ANAPC7: variants seen among roughly 807,000 people sequenced by gnomAD.
The protein encoded by ANAPC7 is anaphase promoting complex subunit 7.
Under a neutral mutation model 63.3 loss-of-function variants are expected in ANAPC7, and 25 were observed. That is an observed-to-expected ratio of 0.39 (90% CI 0.29 to 0.55). ANAPC7 has a LOEUF of 0.55. Among genes scored for constraint, ANAPC7 ranks in the 20% least tolerant of loss-of-function variants. The pLI, the probability that ANAPC7 is intolerant of heterozygous loss-of-function variation, is 0.57. For synonymous variants in ANAPC7, 241 were observed against 251.7 expected (o/e 0.96, Z 0.40); for missense variants, 516 against 691.7 (o/e 0.75, Z 2.85).
At chr12:110,377,945 G>A in intron 8 of ANAPC7, 1 of 571,838 alleles carries the variant, frequency 1.7e-6, no homozygotes, top group Non-Finnish European at 2.6e-6. Flanking sequence ...TGATTAGTCT[G>A]TCATATGGCC....
chr12:110,376,208 G>C lies in ANAPC7; in HGVS notation c.1366C>G (p.Gln456Glu), dbSNP rs1881248237. The C allele has an allele frequency of 6.2e-7, 1 of 1,613,836 alleles. No individual in the cohort carries two copies. Among genetic ancestry groups the C allele is most frequent in the Non-Finnish European group, 8.5e-7 (1 of 1,180,006 alleles). Residue 456 changes from glutamine to glutamate, a missense_variant, in exon 10 of 11, where the codon CAG becomes GAG. Physicochemically the swap from Gln to Glu is conservative, Grantham distance 29. Coordinates refer to ENST00000455511, the MANE Select transcript of ANAPC7 (RefSeq NM_016238.3). The part of the protein sequence containing the change: ...VKKAELLSRE[Q>E]KYEDGIALLR... ...AAAGCAATTCCATCTTCATATTTCTGTTCTCTGCCTGGGGGAATAAAAAAG... is the reference window on the plus strand; with the variant it reads ...AAAGCAATTCCATCTTCATATTTCTCTTCTCTGCCTGGGGGAATAAAAAAG...
At chr12:110,402,007 T>C (rs1309173402) in intron 1 of ANAPC7, among the ~76,000 whole-genome samples, 2 of 149,128 alleles carry the variant, frequency 1.3e-5, no homozygotes, top group African/African-American at 4.9e-5. Context: ...GAAACTCTGT[T>C]TCTACTAAAA....
intron 8 of ANAPC7, among the ~76,000 whole-genome samples, chr12:110,381,509 G>C (rs546205002): frequency 6.6e-6 from 1 of 151,966 alleles, no homozygotes; most frequent in Non-Finnish European, 1.5e-5. Flanking sequence ...GCTAATTTTT[G>C]TATTTTTAGT....
intron 1 of ANAPC7, 65 bp downstream of exon 1, chr12:110,403,462 A>AG: frequency 6.6e-7 from 1 of 1,518,344 alleles, no homozygotes; most frequent in South Asian, 1.2e-5. Flanking sequence ...ACGTGCCCTG[A>AG]GCCCCCGCTC....
chr12:110,401,256 CCAGT>C (rs2062223556), intron 1 of ANAPC7, among the ~76,000 whole-genome samples: 1 of 152,158 alleles, frequency 6.6e-6, no homozygotes, highest in Non-Finnish European at 1.5e-5. Flanking sequence ...TGGAGACTCT[CCAGT>C]CAGAGAAGAC....
chr12:110,400,528 G>A lies in ANAPC7; in HGVS notation c.101+2999C>T, dbSNP rs79071195. 8.4e-3 allele frequency among the ~76,000 whole-genome samples: 1,275 copies of A among 152,274 alleles called. 22 individuals carry two copies. The highest frequency in any genetic ancestry group is 0.029 in the African/African-American group (1,206 of 41,548). On this transcript the variant is annotated intron_variant, in intron 1 of 10. Transcript: ENST00000455511. ...TATGAAAAAGCATGGGCTAAACTTC[G>A]TCTAGCCAGAGAATTAAACTGTTTC...
At position 110,374,103 on chromosome 12, in the gene ANAPC7, A is replaced by C; in HGVS notation, c.*41T>G. 6.4e-7 allele frequency: 1 copy of C among 1,559,636 alleles called. No homozygotes were observed. The highest frequency in any genetic ancestry group is 8.7e-7 in the Non-Finnish European group (1 of 1,155,804). On this transcript the variant is annotated 3_prime_UTR_variant, in exon 11 of 11. Transcript: ENST00000455511. ...GTTCCTTCAGTCCACGGAAGTGCTC[A>C]GAGCAGGGCAGGCCACTGCGGCCAT... is the stretch of plus-strand genomic sequence containing the variant.
At chr12:110,392,673 A>G (rs930834965) in intron 3 of ANAPC7, among the ~76,000 whole-genome samples, 13 of 152,222 alleles carry the variant, frequency 8.5e-5, no homozygotes, top group Non-Finnish European at 1.5e-4. Context: ...AAAAAATACT[A>G]TTCTTCTCAT....
rs1323724996 is a variant in ANAPC7, at chr12:110,403,631, G to C, written c.-4C>G. On this transcript the variant is annotated 5_prime_UTR_variant, in exon 1 of 11. Transcript: ENST00000455511. ...GCACGTGGTCTATCACATTCATCCT[G>C]CTCTGCAAAGCCGCGGGCAGCGGCG... 3.1e-6 allele frequency: 5 copies of C among 1,596,826 alleles called. No individual in the cohort carries two copies. Among genetic ancestry groups the C allele is most frequent in the African/African-American group, 1.3e-5 (1 of 74,748 alleles).
intron 8 of ANAPC7, chr12:110,378,808 C>T (rs1186091824): frequency 6.6e-6 from 1 of 152,126 alleles, no homozygotes; most frequent in Non-Finnish European, 1.5e-5. Context: ...CATTCATGCA[C>T]ACCCTTCCAC....
intron 6 of ANAPC7, among the ~76,000 whole-genome samples, chr12:110,385,106 A>T (rs770701456): frequency 6.6e-6 from 1 of 152,192 alleles, no homozygotes; most frequent in Non-Finnish European, 1.5e-5. Context: ...CTCTTCTAAA[A>T]AAATACAAAA....
intron 1 of ANAPC7, among the ~76,000 whole-genome samples, chr12:110,400,344 G>A (rs1056280838): frequency 2.0e-5 from 3 of 152,164 alleles, no homozygotes; most frequent in African/African-American, 7.2e-5. Flanking sequence ...GTTGGGGTGA[G>A]GTTCAAGACT....
Position 110,395,195 on chromosome 12 carries a change from T to G in ANAPC7, c.314A>C (p.Lys105Thr). 6.2e-7 allele frequency: 1 copy of G among 1,612,530 alleles called. No homozygotes were observed. Among genetic ancestry groups the G allele is most frequent in the Non-Finnish European group, 8.5e-7 (1 of 1,179,404 alleles). The change falls in exon 3 of 11, where the codon AAA becomes ACA. Residue 105 changes from lysine (K) to threonine (T), a missense_variant. Lys to Thr is a moderately conservative substitution (Grantham distance 78). Transcript: ENST00000455511. ...SQCLPSEIEVKYKMAECYTML... is the reference protein window; with the variant it reads ...SQCLPSEIEVTYKMAECYTML... ...TGTATAACATTCAGCCATTTTGTAT[T>G]TCACTTCAATTTCAGATGGAAGACA...
chr12:110,389,927 G>A (rs1038544168), intron 3 of ANAPC7, among the ~76,000 whole-genome samples: 5 of 150,864 alleles, frequency 3.3e-5, no homozygotes, highest in Middle Eastern at 3.4e-3. Flanking sequence ...GCGAGACTCC[G>A]TCTCAAAAAA....
intron 5 of ANAPC7, chr12:110,387,428 A>G (rs554298732): frequency 0.012 from 1,505 of 126,704 alleles, 5 homozygotes; most frequent in Middle Eastern, 0.022. Flanking sequence ...AGAGAGAGAG[A>G]GAGACCGACC....
intron 1 of ANAPC7, among the ~76,000 whole-genome samples, chr12:110,399,022 CTTTT>C (rs764219174): frequency 1.5e-5 from 2 of 136,254 alleles, no homozygotes. Context: ...CTGAATAATT[CTTTT>C]TTTTTTTTTT....
At chr12:110,387,991 C>A in intron 4 of ANAPC7, 99 bp from the exon 5 acceptor site, 2 of 1,301,562 alleles carry the variant, frequency 1.5e-6, no homozygotes, top group South Asian at 2.7e-5. Flanking sequence ...TAAAAGGCAA[C>A]TGCTTCCCTA....
chr12:110,402,715 A>T (rs2062249701), intron 1 of ANAPC7, among the ~76,000 whole-genome samples: 1 of 152,006 alleles, frequency 6.6e-6, no homozygotes, highest in Non-Finnish European at 1.5e-5. Context: ...GAAAGGCGCC[A>T]CGCCCACCCA....
rs2062221396 is a variant in ANAPC7, at chr12:110,401,101, C to T, written c.101+2426G>A. Reference sequence around the variant, plus strand: ...AGTGCACTAATGAAAATCCAATGGGCAGCAGCAGCTGCATTGTAAGCACTT... The same window carrying T: ...AGTGCACTAATGAAAATCCAATGGGTAGCAGCAGCTGCATTGTAAGCACTT... On this transcript the variant is annotated intron_variant, in intron 1 of 10. Transcript: ENST00000455511. 2.0e-5 allele frequency among the ~76,000 whole-genome samples: 3 copies of T among 152,154 alleles called. No individual in the cohort carries two copies. In the South Asian group the frequency reaches 6.2e-4, roughly 31 times the overall value.
Sources: allele counts gnomAD v4.1 joint callset (sites outside exome capture counted in the v4.1 genomes callset), GRCh38; gene constraint gnomAD v4.1.1; transcripts MANE v1.5; gene names NCBI Gene and HGNC (gene_info 2026-07-23, HGNC 2026-07-21).